MED12L: variants seen among roughly 807,000 people sequenced by gnomAD.
MED12L encodes the protein mediator complex subunit 12L, also known as mediator of RNA polymerase II transcription subunit 12-like protein.
A neutral mutation model predicts 281.3 loss-of-function variants in MED12L; 60 were observed. That is an observed-to-expected ratio of 0.21 (90% CI 0.17 to 0.26). The LOEUF is 0.26. Ranked by LOEUF, MED12L falls within the 10% of genes least tolerant of loss-of-function variation. The probability of loss-of-function intolerance (pLI) is 1.00; values close to 1 mark genes in which losing one functional copy is unlikely to be tolerated. For missense variants in MED12L, 2,146 were observed against 2,680.9 expected (o/e 0.80, Z 4.41); for synonymous variants, 974 against 987.2 (o/e 0.99, Z 0.25).
At chr3:151,393,065 A>G (rs1452216063) in intron 38 of MED12L, among the ~76,000 whole-genome samples, 1 of 152,192 alleles carries the variant, frequency 6.6e-6, no homozygotes, top group Non-Finnish European at 1.5e-5. Flanking sequence ...TGCTCTTCAA[A>G]TGCTGCTGAA....
chr3:151,087,217 G>A (rs996624777), intron 2 of MED12L, among the ~76,000 whole-genome samples, 192 bp downstream of exon 2: 1 of 152,350 alleles, frequency 6.6e-6, no homozygotes, highest in South Asian at 2.1e-4. Flanking sequence ...CAGTCCCCGC[G>A]CTCCACTGGG....
chr3:151,308,006 G>A (rs1187723151), intron 16 of MED12L, among the ~76,000 whole-genome samples: 1 of 152,034 alleles, frequency 6.6e-6, no homozygotes, highest in African/African-American at 2.4e-5. Context: ...TATGAAACAG[G>A]GAGAATAATA....
At chr3:151,383,238 GCC>G (rs1712723633) in intron 33 of MED12L, among the ~76,000 whole-genome samples, 1 of 152,142 alleles carries the variant, frequency 6.6e-6, no homozygotes, top group Non-Finnish European at 1.5e-5. Context: ...CCAAGTGCAG[GCC>G]CCTCTGGAGG....
At chr3:151,360,644 T>G (rs756182410) in intron 21 of MED12L, 39 bp downstream of exon 21, 5 of 1,566,102 alleles carry the variant, frequency 3.2e-6, no homozygotes, top group African/African-American at 1.4e-5. Context: ...AATAGGATCA[T>G]GCCTATGTTT....
chr3:151,231,252 C>T (rs1461787031), intron 16 of MED12L, among the ~76,000 whole-genome samples: 1 of 152,204 alleles, frequency 6.6e-6, no homozygotes, highest in East Asian at 1.9e-4. Flanking sequence ...ATTTTGCAAC[C>T]TCAGTGTGAT....
intron 16 of MED12L, chr3:151,294,260 G>A: frequency 6.2e-7 from 1 of 1,613,782 alleles, no homozygotes; most frequent in Non-Finnish European, 8.5e-7. Flanking sequence ...TCTGATATTT[G>A]ATTTTTTGAA....
intron 16 of MED12L, among the ~76,000 whole-genome samples, chr3:151,280,413 A>G (rs933986420): frequency 4.6e-5 from 7 of 152,034 alleles, no homozygotes; most frequent in African/African-American, 1.7e-4. Flanking sequence ...CTTCTTCCCC[A>G]CCTTTTTCTT....
In MED12L at chr3:151,278,976, G is replaced by A. The variant is rs186884087; in HGVS notation, c.2251-71083G>A. ...TAAACTCCTCGTGTGTTAACATTTT[G>A]GTGTTTGTGCTGTGTTACTATTTTG... On this transcript the variant is annotated intron_variant, in intron 16 of 44. Coordinates refer to ENST00000687756, the MANE Select transcript of MED12L (RefSeq NM_001393769.1). 1.8e-3 allele frequency among the ~76,000 whole-genome samples: 267 copies of A among 152,252 alleles called. 2 individuals carry two copies. Among genetic ancestry groups the A allele is most frequent in the Admixed American group, 3.9e-3 (59 of 15,292 alleles).
At position 151,411,352 on chromosome 3, in the gene MED12L, T is replaced by C. The variant is rs137855605; in HGVS notation, c.5985T>C (p.Ser1995=). 5.6e-6 allele frequency: 9 copies of C among 1,614,072 alleles called. No homozygotes were observed. The highest frequency in any genetic ancestry group is 1.1e-5 in the South Asian group (1 of 91,092). Residue 1995 remains serine (S), a synonymous_variant, in exon 41 of 45, where the codon AGT becomes AGC. Transcript: ENST00000687756. ...AGACATCGCAGCAGCAGGCTGGCAGTGTGGTCCTGTCTCCCAGCTATAACT... is the reference window on the plus strand; with the variant it reads ...AGACATCGCAGCAGCAGGCTGGCAGCGTGGTCCTGTCTCCCAGCTATAACT... The part of the protein sequence containing the change: ...LQQTSQQQAG[S]VVLSPSYNSR...
chr3:151,333,020 GT>G (rs1750531175), intron 16 of MED12L, among the ~76,000 whole-genome samples: 1 of 152,114 alleles, frequency 6.6e-6, no homozygotes, highest in Non-Finnish European at 1.5e-5. Flanking sequence ...TCCTGTGTTA[GT>G]TTGCTTAGAA....
intron 37 of MED12L, among the ~76,000 whole-genome samples, chr3:151,389,357 A>C (rs1190487486): frequency 2.0e-5 from 3 of 152,166 alleles, no homozygotes; most frequent in Non-Finnish European, 4.4e-5. Context: ...GTAAAATTGC[A>C]GGGAAATGAG....
rs1237864782 is a variant in MED12L, at chr3:151,190,938, C to T, written c.1968+7C>T. ...CCATGATGTGAAAATGGAGGTATGG[C>T]CCTGGATATGATGCCCCACTCCCCC... On this transcript the variant is annotated splice_region_variant and intron_variant, in intron 14 of 44. Coordinates refer to ENST00000687756, the MANE Select transcript of MED12L (RefSeq NM_001393769.1). 1.2e-6 allele frequency: 2 copies of T among 1,612,540 alleles called. No homozygotes were observed. Among genetic ancestry groups the T allele is most frequent in the East Asian group, 2.2e-5 (1 of 44,866 alleles).
intron 16 of MED12L, among the ~76,000 whole-genome samples, chr3:151,219,304 C>T (rs1728858720): frequency 6.6e-6 from 1 of 152,214 alleles, no homozygotes; most frequent in African/African-American, 2.4e-5. Context: ...CAAAGCATTG[C>T]TCACTCCAGA....
chr3:151,169,613 T>C (rs1262761521), intron 11 of MED12L, among the ~76,000 whole-genome samples: 1 of 152,192 alleles, frequency 6.6e-6, no homozygotes. Flanking sequence ...CTTTGAGAAT[T>C]ATAAGGCACT....
chr3:151,303,334 G>A (rs1746194095), intron 16 of MED12L, among the ~76,000 whole-genome samples: 1 of 152,094 alleles, frequency 6.6e-6, no homozygotes, highest in Non-Finnish European at 1.5e-5. Flanking sequence ...TATGCATGTG[G>A]AGGTGTCTAC....
chr3:151,290,140 C>T (rs1472087271), intron 16 of MED12L, among the ~76,000 whole-genome samples: 3 of 152,120 alleles, frequency 2.0e-5, no homozygotes, highest in Admixed American at 2.0e-4. Context: ...ATCACCTTGG[C>T]CTCCCAAAGT....
At chr3:151,152,979 G>A (rs1291063131) in intron 5 of MED12L, among the ~76,000 whole-genome samples, 1 of 152,140 alleles carries the variant, frequency 6.6e-6, no homozygotes, top group Non-Finnish European at 1.5e-5. Flanking sequence ...GGTATCCCAG[G>A]CCTGGGAGGA....
intron 17 of MED12L, among the ~76,000 whole-genome samples, chr3:151,350,662 A>G (rs1235012009): frequency 6.6e-6 from 1 of 152,152 alleles, no homozygotes; most frequent in African/African-American, 2.4e-5. Flanking sequence ...TCATGACAGC[A>G]TATTTGCTCA....
chr3:151,327,749 A>AT, intron 16 of MED12L: 2 of 327,642 alleles, frequency 6.1e-6, no homozygotes. Context: ...AAAAAAAAAA[A>AT]GAAAGAAAGA....
Sources: gnomAD v4.1 joint callset for allele counts (sites outside exome capture counted in the v4.1 genomes callset) on GRCh38, gnomAD v4.1.1 for gene constraint, MANE v1.5 for transcripts, NCBI Gene and HGNC (gene_info 2026-07-23, HGNC 2026-07-21) for gene names.